The following SYN3 variants were observed in gnomAD, a reference collection of about 807,000 sequenced individuals.
The protein encoded by SYN3 is synapsin III.
In SYN3, 35 loss-of-function variants were observed where a neutral mutation model predicts 65.8. That is an observed-to-expected ratio of 0.53 (90% CI 0.41 to 0.70). The LOEUF (loss-of-function observed/expected upper bound fraction) is 0.70. SYN3 is among the 30% of genes least tolerant of loss of function. The pLI is 0.00. For synonymous variants in SYN3, 270 were observed against 292.9 expected (o/e 0.92, Z 0.80); for missense variants, 680 against 749.0 (o/e 0.91, Z 1.08).
intron 6 of SYN3, among the ~76,000 whole-genome samples, chr22:32,677,525 G>A (rs770830442): frequency 2.4e-4 from 36 of 152,222 alleles, no homozygotes; most frequent in Non-Finnish European, 4.6e-4. Context: ...TTGACTGGGC[G>A]CGGTGGCTCA....
At chr22:32,934,209 T>A in intron 3 of SYN3, among the ~76,000 whole-genome samples, 1 of 152,164 alleles carries the variant, frequency 6.6e-6, no homozygotes, top group Non-Finnish European at 1.5e-5. Context: ...AGAAGAAAGT[T>A]GCAAAACAGG....
At chr22:32,645,030 G>A (rs1238387662) in intron 6 of SYN3, among the ~76,000 whole-genome samples, 2 of 152,204 alleles carry the variant, frequency 1.3e-5, no homozygotes, top group African/African-American at 4.8e-5. Flanking sequence ...GAGGAGAGAA[G>A]AGGTTCCCAG....
intron 2 of SYN3, among the ~76,000 whole-genome samples, chr22:32,998,389 C>A (rs2145756544): frequency 6.6e-6 from 1 of 152,180 alleles, no homozygotes; most frequent in East Asian, 1.9e-4. Flanking sequence ...CCAAGGACAC[C>A]CTTTTAATTT....
At chr22:32,571,723 C>T (rs1372498986) in intron 7 of SYN3, among the ~76,000 whole-genome samples, 1 of 152,146 alleles carries the variant, frequency 6.6e-6, no homozygotes, top group Non-Finnish European at 1.5e-5. Flanking sequence ...TCTTCTCTGC[C>T]AGCCTTCCTA....
intron 8 of SYN3, among the ~76,000 whole-genome samples, chr22:32,539,234 C>T (rs5754135): frequency 0.25 from 37,647 of 151,972 alleles, 4,805 homozygotes; most frequent in Middle Eastern, 0.33. Flanking sequence ...AGGCACTGCA[C>T]CGTAGTTGGC....
chr22:32,825,539 A>T (rs2047377668), intron 6 of SYN3, among the ~76,000 whole-genome samples: 2 of 151,636 alleles, frequency 1.3e-5, no homozygotes, highest in African/African-American at 4.8e-5. Context: ...GGCGCCTGTA[A>T]TCCCAGCTAC....
chr22:32,693,561 C>A (rs1407870390), intron 6 of SYN3, among the ~76,000 whole-genome samples: 1 of 145,270 alleles, frequency 6.9e-6, no homozygotes, highest in Non-Finnish European at 1.5e-5. Flanking sequence ...TGGCCTAAAT[C>A]GGGTAATATA....
At chr22:33,044,217 G>A (rs1372858068) in intron 1 of SYN3, among the ~76,000 whole-genome samples, 4 of 152,284 alleles carry the variant, frequency 2.6e-5, no homozygotes, top group Non-Finnish European at 2.9e-5. Context: ...GGCCCAAAGC[G>A]GTACTAGGTA....
At chr22:32,598,689 T>C (rs2059238267) in intron 6 of SYN3, among the ~76,000 whole-genome samples, 2 of 152,152 alleles carry the variant, frequency 1.3e-5, no homozygotes, top group Non-Finnish European at 1.5e-5. Context: ...TTTCGCTATG[T>C]TGGTCAGGCT....
chr22:32,661,506 ACTTTCTTTTTTTTCTTTCTTT>A (rs1432128476), intron 6 of SYN3, among the ~76,000 whole-genome samples: 1 of 152,118 alleles, frequency 6.6e-6, no homozygotes, highest in African/African-American at 2.4e-5. Context: ...TTTCTTACTT[ACTTTCTTTTTTTTCTTTCTTT>A]CTTTCTTTTT....
intron 6 of SYN3, among the ~76,000 whole-genome samples, chr22:32,734,745 T>TC (rs1418461612): frequency 1.3e-5 from 2 of 152,156 alleles, no homozygotes; most frequent in East Asian, 1.9e-4. Context: ...CACAGGACAT[T>TC]CCCCCTAGGT....
At chr22:32,663,256 G>A (rs1395839619) in intron 6 of SYN3, among the ~76,000 whole-genome samples, 1 of 151,628 alleles carries the variant, frequency 6.6e-6, no homozygotes, top group Non-Finnish European at 1.5e-5. Context: ...GGCCTCCCCA[G>A]CCATGTGAAA....
At chr22:33,025,419 G>A (rs1333198517) in intron 1 of SYN3, among the ~76,000 whole-genome samples, 1 of 126,736 alleles carries the variant, frequency 7.9e-6, no homozygotes, top group East Asian at 2.2e-4. Flanking sequence ...GGGTGACAGT[G>A]CAAGACTCCG....
chr22:32,883,647 A>G (rs1398469633), intron 4 of SYN3, among the ~76,000 whole-genome samples: 1 of 152,254 alleles, frequency 6.6e-6, no homozygotes, highest in Non-Finnish European at 1.5e-5. Context: ...TGGAATGTGC[A>G]GCCAAGGCTG....
At chr22:32,937,815 T>A (rs1006137766) in intron 3 of SYN3, among the ~76,000 whole-genome samples, 2 of 143,368 alleles carry the variant, frequency 1.4e-5, no homozygotes, top group Admixed American at 7.3e-5. Context: ...CAACCCAAAA[T>A]GAAGCACAGA....
intron 6 of SYN3, among the ~76,000 whole-genome samples, chr22:32,718,850 A>C (rs1210471766): frequency 6.6e-6 from 1 of 152,188 alleles, no homozygotes; most frequent in Non-Finnish European, 1.5e-5. Context: ...ACCTACCGGC[A>C]CCCAGCGTTC....
chr22:32,944,976 A>G (rs902096012), intron 3 of SYN3, among the ~76,000 whole-genome samples: 4 of 152,222 alleles, frequency 2.6e-5, no homozygotes, highest in African/African-American at 9.6e-5. Flanking sequence ...TAGGAATCCA[A>G]CTTACAAGGG....
chr22:32,750,073 C>A lies in SYN3; in HGVS notation c.711+114842G>T, dbSNP rs73881787. 8.5e-3 allele frequency among the ~76,000 whole-genome samples: 1,290 copies of A among 152,268 alleles called. 22 individuals are homozygous for A. The highest frequency in any genetic ancestry group is 0.03 in the African/African-American group (1,231 of 41,540). On this transcript the variant is annotated intron_variant, in intron 6 of 13. Transcript: ENST00000358763. ...TGTAAGCACCTACTAAGTGCCAGGT[C>A]CTGTTCTAGGTGCTAGAGACACGGT... is the stretch of plus-strand genomic sequence containing the variant.
rs28672767 is a variant in SYN3 at position 32,758,924 on chromosome 22, G to T, written c.711+105991C>A. 8.2e-3 allele frequency among the ~76,000 whole-genome samples: 1,232 copies of T among 151,164 alleles called. 9 individuals carry two copies. Among genetic ancestry groups the T allele is most frequent in the Non-Finnish European group, 0.012 (793 of 67,818 alleles). On this transcript the variant is annotated intron_variant, in intron 6 of 13. Transcript: ENST00000358763. ...GCATTCCCAGTCCCCCTGACTATCT[G>T]CCCATAGTGCCCATTGCTTGTGATG...
Sources: allele counts gnomAD v4.1 joint callset (sites outside exome capture counted in the v4.1 genomes callset), GRCh38; gene constraint gnomAD v4.1.1; transcripts MANE v1.5; gene names NCBI Gene and HGNC (gene_info 2026-07-23, HGNC 2026-07-21).